BCAS3: variants seen among roughly 807,000 people sequenced by gnomAD.
BCAS3 encodes BCAS4/BCAS3 fusion.
Under a neutral mutation model 116.1 loss-of-function variants are expected in BCAS3, and 53 were observed. The ratio of observed to expected loss-of-function variants is 0.46; its 90% CI spans 0.37 to 0.57. The LOEUF (loss-of-function observed/expected upper bound fraction) is 0.57, where lower values mean the gene tolerates loss of function less well. Among genes scored for constraint, BCAS3 ranks in the 20% least tolerant of loss-of-function variants. The pLI, the probability that BCAS3 is intolerant of heterozygous loss-of-function variation, is 0.00. For missense variants in BCAS3, 917 were observed against 1,165.4 expected (o/e 0.79, Z 3.10); for synonymous variants, 391 against 408.2 (o/e 0.96, Z 0.51).
intron 23 of BCAS3, among the ~76,000 whole-genome samples, chr17:61,372,327 T>G (rs1321448668): frequency 6.6e-6 from 1 of 152,202 alleles, no homozygotes; most frequent in Non-Finnish European, 1.5e-5. Context: ...GTCCTTTTCT[T>G]CTGTCGTCCT....
At position 61,220,155 on chromosome 17, in the gene BCAS3, G is replaced by A. The variant is rs893601509; in HGVS notation, c.2425+135591G>A. On this transcript the variant is annotated intron_variant, in intron 22 of 23. Coordinates refer to ENST00000407086, the MANE Select transcript of BCAS3 (RefSeq NM_017679.5). This position sits in a 1 kb window ranked among gnomAD's most constrained non-coding sequence, Gnocchi z 4.5. Reference sequence around the variant, plus strand: ...CTAATAATACAAAAATTAGCCAGGCGTGGTGGCAGGCGCCTCTAATCCCAG... The same window carrying A: ...CTAATAATACAAAAATTAGCCAGGCATGGTGGCAGGCGCCTCTAATCCCAG... Among the ~76,000 whole-genome samples the A allele has an allele frequency of 6.6e-5, 10 of 152,086 alleles. No individual in the cohort carries two copies. The highest frequency in any genetic ancestry group is 2.1e-4 in the South Asian group (1 of 4,816).
At chr17:60,852,778 C>T (rs1018885453) in intron 7 of BCAS3, among the ~76,000 whole-genome samples, 2 of 152,170 alleles carry the variant, frequency 1.3e-5, no homozygotes, top group Admixed American at 6.5e-5. Flanking sequence ...GGGCTAAAAG[C>T]TCTAACATTG....
rs368469757 is a variant in BCAS3, at chr17:61,241,839, A to C, written c.2426-126488A>C. On this transcript the variant is annotated intron_variant, in intron 22 of 23. Coordinates refer to ENST00000407086, the MANE Select transcript of BCAS3 (RefSeq NM_017679.5). This position sits in a 1 kb window ranked among gnomAD's most constrained non-coding sequence, Gnocchi z 4.6. ...ATAAAATTTTGTTGAATAAATGTTA[A>C]ATGTTTCTGAGAAATCTGAGAGCTT... Among the ~76,000 whole-genome samples the C allele has an allele frequency of 4.7e-4, 72 of 152,344 alleles. No individual in the cohort carries two copies. Among genetic ancestry groups the C allele is most frequent in the African/African-American group, 1.7e-3 (72 of 41,576 alleles).
rs369395382 is a variant in BCAS3 at position 61,334,540 on chromosome 17, C to T, written c.2426-33787C>T. On this transcript the variant is annotated intron_variant, in intron 22 of 23. Coordinates refer to ENST00000407086, the MANE Select transcript of BCAS3 (RefSeq NM_017679.5). ...ATTAGCTGGGCGTGGTGGCCCTGCC[C>T]GTATTCCCAGCTACTCAGGAGGCTG... Among the ~76,000 whole-genome samples, 10 of 151,732 alleles carry T rather than the reference C, an allele frequency of 6.6e-5. No individual in the cohort carries two copies. The East Asian group carries it at 1.2e-3, about 18-fold the overall frequency.
chr17:60,954,905 A>C (rs2061041093), intron 14 of BCAS3, among the ~76,000 whole-genome samples: 1 of 152,180 alleles, frequency 6.6e-6, no homozygotes, highest in Non-Finnish European at 1.5e-5. Flanking sequence ...TTTTAGAAGT[A>C]TATTCATTGG....
intron 22 of BCAS3, among the ~76,000 whole-genome samples, chr17:61,232,104 C>T (rs1427062800): frequency 6.9e-6 from 1 of 144,394 alleles, no homozygotes; most frequent in Non-Finnish European, 1.5e-5. Context: ...ACTCGGGAGA[C>T]TGAGGCAGGA....
intron 22 of BCAS3, among the ~76,000 whole-genome samples, chr17:61,116,631 C>A (rs2075474928): frequency 6.6e-6 from 1 of 151,998 alleles, no homozygotes; most frequent in Non-Finnish European, 1.5e-5. Flanking sequence ...TTTGTTTTCC[C>A]TTTGTTAAGA....
intron 22 of BCAS3, among the ~76,000 whole-genome samples, chr17:61,149,120 A>AT (rs1601586602): frequency 6.6e-6 from 1 of 151,902 alleles, no homozygotes; most frequent in East Asian, 1.9e-4. Flanking sequence ...ATTAGTGGCA[A>AT]TTTTACAAAG....
chr17:61,251,380 C>T lies in BCAS3; in HGVS notation c.2426-116947C>T. On this transcript the variant is annotated intron_variant, in intron 22 of 23. Coordinates refer to ENST00000407086, the MANE Select transcript of BCAS3 (RefSeq NM_017679.5). This position sits in a 1 kb window ranked among gnomAD's most constrained non-coding sequence, Gnocchi z 4.7. ...AGGTCAGAGTTTGAGACCATCCTGG[C>T]CAATATGGCGAAACCCCGTCTCTAC... Among the ~76,000 whole-genome samples, 1 of 152,066 alleles carries T rather than the reference C, an allele frequency of 6.6e-6. No homozygotes were observed. Among genetic ancestry groups the T allele is most frequent in the East Asian group, 1.9e-4 (1 of 5,176 alleles).
intron 13 of BCAS3, among the ~76,000 whole-genome samples, chr17:60,935,693 T>A (rs987366491): frequency 4.6e-5 from 7 of 152,224 alleles, no homozygotes; most frequent in Non-Finnish European, 1.0e-4. Flanking sequence ...GCTTGATGAC[T>A]ATCTTTGAAA....
intron 14 of BCAS3, among the ~76,000 whole-genome samples, chr17:60,985,589 G>T (rs2063090831): frequency 6.6e-6 from 1 of 152,006 alleles, no homozygotes; most frequent in Non-Finnish European, 1.5e-5. Context: ...CAGTCACCCT[G>T]TTGTGCTATC....
chr17:60,810,471 G>T, intron 7 of BCAS3: 4 of 671,502 alleles, frequency 6.0e-6, no homozygotes, highest in South Asian at 5.5e-5. Flanking sequence ...GGAGCGTGGA[G>T]ACCGGAAACC....
rs1385589524 is a variant in BCAS3, at chr17:60,889,625, A to G, written c.662-70A>G. ...CATTTGATTTTTCTGTTTTTCTGGC[A>G]TCGATATATGATGCACCAACAGAAA... On this transcript the variant is annotated intron_variant, in intron 9 of 23. Transcript: ENST00000407086. 4 of 1,248,236 alleles carry G rather than the reference A, an allele frequency of 3.2e-6. No individual in the cohort carries two copies. The African/African-American group carries it at 4.5e-5, about 14-fold the overall frequency. The allele number at this position is 1,248,236 out of a possible 1,614,324, so 77.3% of individuals were successfully genotyped here.
At position 61,017,535 on chromosome 17, in the gene BCAS3, A is replaced by G. The variant is rs972005836; in HGVS notation, c.1637+1634A>G. Among the ~76,000 whole-genome samples, 27 of 152,184 alleles carry G rather than the reference A, an allele frequency of 1.8e-4. No homozygotes were observed. The highest frequency in any genetic ancestry group is 6.0e-4 in the African/African-American group (25 of 41,460). On this transcript the variant is annotated intron_variant, in intron 16 of 23. Transcript: ENST00000407086. This position sits in a 1 kb window ranked among gnomAD's most constrained non-coding sequence, Gnocchi z 4.7. The stretch of plus-strand genomic sequence containing the variant: ...GTTCAAAAGGCTCCTGGAGTCATAA[A>G]AGCATATTCTGGTGCTTTGTTTCTG...
chr17:61,010,527 A>G (rs1171644742), intron 15 of BCAS3, among the ~76,000 whole-genome samples: 1 of 151,914 alleles, frequency 6.6e-6, no homozygotes, highest in Non-Finnish European at 1.5e-5. Context: ...GAAGATAAAC[A>G]TAGAAAGTCA....
chr17:61,072,597 T>C (rs190387522), intron 19 of BCAS3, among the ~76,000 whole-genome samples: 1 of 151,366 alleles, frequency 6.6e-6, no homozygotes, highest in East Asian at 1.9e-4. Flanking sequence ...AGGTACTAGC[T>C]AGTTACGTAA....
intron 22 of BCAS3, among the ~76,000 whole-genome samples, chr17:61,273,613 A>G (rs1337785882): frequency 2.0e-5 from 3 of 151,618 alleles, no homozygotes; most frequent in African/African-American, 4.8e-5. Flanking sequence ...TTTTTATCAA[A>G]TTTGAAAATT....
chr17:60,727,244 C>T (rs976068219), intron 5 of BCAS3: 24 of 980,364 alleles, frequency 2.4e-5, no homozygotes, highest in Non-Finnish European at 3.5e-5. Flanking sequence ...GACCACCATC[C>T]TCTTGGATCT....
Position 61,388,894 on chromosome 17 carries a change from C to T in BCAS3, c.2594-3083C>T. On this transcript the variant is annotated intron_variant, in intron 23 of 23. Transcript: ENST00000407086. This position sits in a 1 kb window ranked among gnomAD's most constrained non-coding sequence, Gnocchi z 6.5. ...AGCGCCCACAAAGCTGCCCCGGGGC[C>T]AGCAGGCCCCCGATTCTTTCAGTTA... The T allele has an allele frequency of 1.7e-6, 1 of 583,984 alleles. No homozygotes were observed. The highest frequency in any genetic ancestry group is 3.0e-6 in the Non-Finnish European group (1 of 333,588). 36.2% of individuals were successfully genotyped at this position (583,984 alleles called of 1,614,324 possible). A position where few individuals can be genotyped will look rare whatever the true frequency, so the allele number is the denominator to read the frequency against.
Sources: allele counts gnomAD v4.1 joint callset (sites outside exome capture counted in the v4.1 genomes callset), GRCh38; gene constraint gnomAD v4.1.1; non-coding constraint Gnocchi (gnomAD v3.1); transcripts MANE v1.5; gene names NCBI Gene and HGNC (gene_info 2026-07-23, HGNC 2026-07-21).